The following GNRHR variants were observed in gnomAD, a reference collection of about 807,000 sequenced individuals.
GNRHR encodes gonadotropin-releasing hormone receptor.
A neutral mutation model predicts 28.1 loss-of-function variants in GNRHR; 14 were observed. The observed-to-expected ratio is 0.50, with a 90% CI of 0.33 to 0.78. The LOEUF is 0.78. Among genes scored for constraint, GNRHR ranks in the 30% least tolerant of loss-of-function variants. GNRHR has a pLI of 0.02. For missense variants in GNRHR, 366 were observed against 382.1 expected, an observed-to-expected ratio of 0.96 and a Z score of 0.35; for synonymous variants, 141 against 140.5, an observed-to-expected ratio of 1.00 and a Z score of -0.02.
chr4:67,744,845 C>G, intron 1 of GNRHR, 58 bp from the exon 2 acceptor site: 2 of 940,796 alleles, frequency 2.1e-6, no homozygotes. Context: ...TGAAAGTTTT[C>G]TCTTTGGTAC....
In GNRHR at chr4:67,739,012, C is replaced by G. The variant is rs910922936; in HGVS notation, c.*1468G>C. On this transcript the variant is annotated 3_prime_UTR_variant, in exon 3 of 3. Transcript: ENST00000226413. Reference sequence around the variant, plus strand: ...AATTTGCTTTCCATAATACCACACACCTGGAGTATTTAGAAATTACATTTC... The same window carrying G: ...AATTTGCTTTCCATAATACCACACAGCTGGAGTATTTAGAAATTACATTTC... Among the ~76,000 whole-genome samples the G allele has an allele frequency of 6.6e-6, 1 of 152,120 alleles. No homozygotes were observed. The highest frequency in any genetic ancestry group is 1.9e-4 in the East Asian group (1 of 5,182).
At chr4:67,749,681 G>GCCTCCTTTCCTTCCTTCCTT (rs1731831080) in intron 1 of GNRHR, among the ~76,000 whole-genome samples, 2 of 144,300 alleles carry the variant, frequency 1.4e-5, no homozygotes. Flanking sequence ...CTCCCTCCCT[G>GCCTCCTTTCCTTCCTTCCTT]CCTCCTTTCC....
At chr4:67,749,860 A>G (rs1298255988) in intron 1 of GNRHR, among the ~76,000 whole-genome samples, 1 of 152,100 alleles carries the variant, frequency 6.6e-6, no homozygotes, top group Non-Finnish European at 1.5e-5. Flanking sequence ...TGCATGCTAT[A>G]ATTTTGAAAA....
intron 2 of GNRHR, among the ~76,000 whole-genome samples, chr4:67,742,668 T>C (rs2109982316): frequency 6.6e-6 from 1 of 152,312 alleles, no homozygotes; most frequent in African/African-American, 2.4e-5. Flanking sequence ...TATTTCATAA[T>C]CGAGAACTTC....
chr4:67,750,441 C>T (rs182179539), intron 1 of GNRHR, among the ~76,000 whole-genome samples: 24 of 152,158 alleles, frequency 1.6e-4, no homozygotes, highest in Non-Finnish European at 3.2e-4. Flanking sequence ...AATAATTGTA[C>T]ATATTTATGG....
chr4:67,750,614 GC>G (rs1731848390), intron 1 of GNRHR, among the ~76,000 whole-genome samples: 1 of 152,062 alleles, frequency 6.6e-6, no homozygotes, highest in Non-Finnish European at 1.5e-5. Flanking sequence ...AATCTAGGAG[GC>G]CAATTTGAAA....
chr4:67,744,558 G>A lies in GNRHR; in HGVS notation c.742+10C>T, dbSNP rs1488650104. ...GCCCACAAATGACACTAACTCTAAG[G>A]AATACATACCGTGGGGGTCCTGATG... is the stretch of plus-strand genomic sequence containing the variant. On this transcript the variant is annotated intron_variant, in intron 2 of 2. Coordinates refer to ENST00000226413, the MANE Select transcript of GNRHR (RefSeq NM_000406.3). 1 of 1,495,484 alleles carries A rather than the reference G, an allele frequency of 6.7e-7. No individual in the cohort carries two copies. Among genetic ancestry groups the A allele is most frequent in the Non-Finnish European group, 9.3e-7 (1 of 1,071,528 alleles). The allele number at this position is 1,495,484 out of a possible 1,614,324, so 92.6% of individuals were successfully genotyped here.
chr4:67,745,605 TAGTG>T (rs1731740359), intron 1 of GNRHR, among the ~76,000 whole-genome samples: 1 of 152,000 alleles, frequency 6.6e-6, no homozygotes, highest in Non-Finnish European at 1.5e-5. Flanking sequence ...CTGGTAAAAA[TAGTG>T]GGTGGAAGTT....
At chr4:67,750,752 G>A (rs967421214) in intron 1 of GNRHR, among the ~76,000 whole-genome samples, 2 of 151,810 alleles carry the variant, frequency 1.3e-5, no homozygotes, top group East Asian at 1.9e-4. Flanking sequence ...ATAGAAAATC[G>A]GTATGTGCAC....
intron 1 of GNRHR, 33 bp downstream of exon 1, chr4:67,753,781 C>T: frequency 6.4e-7 from 1 of 1,553,674 alleles, no homozygotes; most frequent in Non-Finnish European, 8.9e-7. Context: ...CTATGATCAC[C>T]ATATCCAAAT....
intron 2 of GNRHR, among the ~76,000 whole-genome samples, chr4:67,743,222 G>A (rs1577867524): frequency 6.6e-6 from 1 of 152,108 alleles, no homozygotes; most frequent in Non-Finnish European, 1.5e-5. Flanking sequence ...AAAGTGCTGG[G>A]ATCACAGGCA....
At chr4:67,748,447 G>A (rs138489643) in intron 1 of GNRHR, among the ~76,000 whole-genome samples, 21 of 152,028 alleles carry the variant, frequency 1.4e-4, no homozygotes, top group South Asian at 2.1e-4. Flanking sequence ...ATCCATATGC[G>A]TTTATATGTT....
chr4:67,754,103 A>G lies in GNRHR; in HGVS notation c.233T>C (p.Leu78Pro), dbSNP rs1731923502. 1 of 1,614,102 alleles carries G rather than the reference A, an allele frequency of 6.2e-7. No individual in the cohort carries two copies. Among genetic ancestry groups the G allele is most frequent in the Non-Finnish European group, 8.5e-7 (1 of 1,180,028 alleles). ...GGCTAAGGTCAGATGTTTTAAGAGC[A>G]GCTTCATTCTTGAGAGCTTTTTCCC... ...EKGKKLSRMK[L>P]LLKHLTLANL... Residue 78 changes from leucine (L) to proline (P), a missense_variant, in exon 1 of 3, where the codon CTG becomes CCG. Physicochemically the swap from Leu to Pro is moderately conservative, Grantham distance 98. Coordinates refer to ENST00000226413, the MANE Select transcript of GNRHR (RefSeq NM_000406.3).
chr4:67,748,503 A>G (rs1450517756), intron 1 of GNRHR, among the ~76,000 whole-genome samples: 2 of 151,986 alleles, frequency 1.3e-5, no homozygotes, highest in Non-Finnish European at 2.9e-5. Context: ...TGTTTTAAGC[A>G]TCAGTTTTCA....
In GNRHR at chr4:67,743,203, C is replaced by T. The variant is rs538727750; in HGVS notation, c.742+1365G>A. 6.6e-5 allele frequency among the ~76,000 whole-genome samples: 10 copies of T among 152,230 alleles called. No homozygotes were observed. In the East Asian group the frequency reaches 1.9e-3, roughly 29 times the overall value. ...CTGACTGCAGGTGGTCCACCTGCTTCGGCCTCCCAAAGTGCTGGGATCACA... is the reference window on the plus strand; with the variant it reads ...CTGACTGCAGGTGGTCCACCTGCTTTGGCCTCCCAAAGTGCTGGGATCACA... On this transcript the variant is annotated intron_variant, in intron 2 of 2. Coordinates refer to ENST00000226413, the MANE Select transcript of GNRHR (RefSeq NM_000406.3).
At chr4:67,747,093 A>G (rs935092396) in intron 1 of GNRHR, 2 of 152,144 alleles carry the variant, frequency 1.3e-5, no homozygotes, top group African/African-American at 2.4e-5. Context: ...AGTCTTTGGA[A>G]GGCTTACTTC....
chr4:67,753,954 G>A lies in GNRHR; in HGVS notation c.382C>T (p.Pro128Ser). The change falls in exon 1 of 3, where the codon CCA (proline) becomes TCA (serine). Residue 128 changes from proline to serine, a missense_variant. Transcript: ENST00000226413. ...CTGATCACCACCATCATGAAGGCTG[G>A]GGCATACATGGAGAAAAGCTTTAGA... The part of the protein sequence containing the change: ...SYLKLFSMYA[P>S]AFMMVVISLD... The A allele has an allele frequency of 6.2e-7, 1 of 1,613,932 alleles. No individual in the cohort carries two copies. Among genetic ancestry groups the A allele is most frequent in the Non-Finnish European group, 8.5e-7 (1 of 1,179,886 alleles).
chr4:67,749,162 G>A (rs1034310789), intron 1 of GNRHR, among the ~76,000 whole-genome samples: 1 of 152,082 alleles, frequency 6.6e-6, no homozygotes, highest in African/African-American at 2.4e-5. Flanking sequence ...GTACCTGTGT[G>A]ATAATATTTA....
chr4:67,738,575 G>T lies in GNRHR; in HGVS notation c.*1905C>A, dbSNP rs1731595585. 6.6e-6 allele frequency among the ~76,000 whole-genome samples: 1 copy of T among 151,920 alleles called. No homozygotes were observed. On this transcript the variant is annotated 3_prime_UTR_variant, in exon 3 of 3. Coordinates refer to ENST00000226413, the MANE Select transcript of GNRHR (RefSeq NM_000406.3). ...AAGCCCTTAGATTGTATCTGTACAA[G>T]TGTGTTATTTTTGATTTTAAATCCA...
Sources: allele counts gnomAD v4.1 joint callset (sites outside exome capture counted in the v4.1 genomes callset), GRCh38; gene constraint gnomAD v4.1.1; transcripts MANE v1.5; gene names NCBI Gene and HGNC (gene_info 2026-07-23, HGNC 2026-07-21).